The following PPP1R16B variants were observed in gnomAD, a reference collection of about 807,000 sequenced individuals.
The protein encoded by PPP1R16B is protein phosphatase 1 regulatory subunit 16B, also known as protein phosphatase 1 regulatory inhibitor subunit 16B.
In PPP1R16B, 14 loss-of-function variants were observed where a neutral mutation model predicts 61.7. The observed-to-expected ratio is 0.23, with a 90% confidence interval of 0.15 to 0.35. The LOEUF (loss-of-function observed/expected upper bound fraction) is 0.35, where lower values mean the gene tolerates loss of function less well. Ranked by LOEUF, PPP1R16B falls within the 10% of genes least tolerant of loss-of-function variation. The pLI, the probability that PPP1R16B is intolerant of heterozygous loss-of-function variation, is 1.00. For synonymous variants in PPP1R16B, 266 were observed against 305.3 expected (o/e 0.87, Z 1.34); for missense variants, 547 against 752.5 (o/e 0.73, Z 3.19).
rs2084663724 is a variant in PPP1R16B, at chr20:38,806,654, G to C, written c.-102+862G>C. 1.3e-5 allele frequency among the ~76,000 whole-genome samples: 2 copies of C among 152,180 alleles called. No homozygotes were observed. The highest frequency in any genetic ancestry group is 1.3e-4 in the Admixed American group (2 of 15,286). On this transcript the variant is annotated intron_variant, in intron 1 of 10. Transcript: ENST00000299824. The surrounding 1 kb of genome is among the most constrained non-coding windows in gnomAD (Gnocchi z 4.5). ...CTGCCCAGACCGCCCCGGGTGGAGA[G>C]CCGGGAGGCAGGCGCTCGCTGCCCT...
chr20:38,911,598 G>T (rs755983452), intron 10 of PPP1R16B, among the ~76,000 whole-genome samples: 8 of 149,828 alleles, frequency 5.3e-5, no homozygotes, highest in Admixed American at 1.3e-4. Flanking sequence ...GTGCAGTGGC[G>T]TGCTCTTGGC....
In PPP1R16B at chr20:38,821,093, C is replaced by T. The variant is rs1273170049; in HGVS notation, c.-101-14732C>T. Reference sequence around the variant, plus strand: ...TTCTGATAGATTTGTAGTGGTCTTTCTCTGTGATCGTCCTGTATATTCCCA... The same window carrying T: ...TTCTGATAGATTTGTAGTGGTCTTTTTCTGTGATCGTCCTGTATATTCCCA... On this transcript the variant is annotated intron_variant, in intron 1 of 10. Transcript: ENST00000299824. Among the ~76,000 whole-genome samples, 20 of 151,454 alleles carry T rather than the reference C, an allele frequency of 1.3e-4. No individual in the cohort carries two copies. The East Asian group carries it at 3.5e-3, about 26-fold the overall frequency.
At chr20:38,892,233 G>T (rs1262483581) in intron 3 of PPP1R16B, among the ~76,000 whole-genome samples, 1 of 152,044 alleles carries the variant, frequency 6.6e-6, no homozygotes, top group African/African-American at 2.4e-5. Context: ...CCTTTTTTTA[G>T]CTTGGGGTTC....
At chr20:38,885,978 G>T (rs1264658047) in intron 2 of PPP1R16B, among the ~76,000 whole-genome samples, 1 of 152,204 alleles carries the variant, frequency 6.6e-6, no homozygotes, top group Non-Finnish European at 1.5e-5. Context: ...GTTTCGCCAT[G>T]TTGGCCAGGC....
Position 38,905,984 on chromosome 20 carries a change from G to T in PPP1R16B, c.712G>T (p.Ala238Ser). The change falls in exon 7 of 11, where the codon GCC (alanine) becomes TCC (serine). Residue 238 changes from alanine (A) to serine (S), a missense_variant. Physicochemically the swap from Ala to Ser is moderately conservative, Grantham distance 99. Transcript: ENST00000299824. ...TCTCCTCCAGCTGCACATAGCTGGA[G>T]CCAATGGATACCTGCGGGCAGCTGA... ...QGATLLHIAG[A>S]NGYLRAAELL... 4 of 1,613,370 alleles carry T rather than the reference G, an allele frequency of 2.5e-6. No homozygotes were observed. The highest frequency in any genetic ancestry group is 3.4e-6 in the Non-Finnish European group (4 of 1,179,750).
chr20:38,877,443 G>C (rs1350018750), intron 2 of PPP1R16B, among the ~76,000 whole-genome samples: 1 of 151,862 alleles, frequency 6.6e-6, no homozygotes, highest in Non-Finnish European at 1.5e-5. Context: ...TGAGTAGCTG[G>C]GATTACAGGC....
intron 1 of PPP1R16B, among the ~76,000 whole-genome samples, chr20:38,809,300 C>G (rs1333466402): frequency 6.6e-6 from 1 of 152,046 alleles, no homozygotes; most frequent in Non-Finnish European, 1.5e-5. Context: ...AGCTTTTCCC[C>G]GGGGAGTCTG....
intron 2 of PPP1R16B, among the ~76,000 whole-genome samples, chr20:38,885,967 G>C (rs956685781): frequency 1.3e-5 from 2 of 152,122 alleles, no homozygotes; most frequent in Non-Finnish European, 2.9e-5. Flanking sequence ...GTAGAGACAG[G>C]GTTTCGCCAT....
intron 2 of PPP1R16B, among the ~76,000 whole-genome samples, chr20:38,875,609 G>A (rs939087960): frequency 6.6e-6 from 1 of 152,222 alleles, no homozygotes; most frequent in East Asian, 1.9e-4. Context: ...ACCCCCCAGC[G>A]AAGCAAACAG....
rs1395436753 is a variant in PPP1R16B, at chr20:38,896,080, CT to C, written c.467+371del. Among the ~76,000 whole-genome samples, 8 of 125,370 alleles carry C rather than the reference CT, an allele frequency of 6.4e-5. No individual in the cohort carries two copies. In the East Asian group the frequency reaches 1.2e-3, roughly 18 times the overall value. The allele number at this position is 125,370 out of a possible 152,430, so 82.2% of individuals were successfully genotyped here. On this transcript the variant is annotated intron_variant, in intron 4 of 10. Transcript: ENST00000299824. The stretch of plus-strand genomic sequence containing the variant: ...CTCCCTTCCTTTCTTCCCTCCCTTC[CT>C]CCCTTTCTGCCTTTCTTCTGTCTCC...
intron 2 of PPP1R16B, among the ~76,000 whole-genome samples, chr20:38,877,105 G>C (rs1601282143): frequency 6.6e-6 from 1 of 152,084 alleles, no homozygotes; most frequent in Non-Finnish European, 1.5e-5. Flanking sequence ...CCATTATATG[G>C]ATGTTTCATA....
intron 6 of PPP1R16B, 93 bp downstream of exon 6, chr20:38,902,885 T>A: frequency 1.3e-6 from 2 of 1,564,188 alleles, no homozygotes; most frequent in Non-Finnish European, 1.7e-6. Context: ...TTGGGGCCTG[T>A]CTGTGACCTT....
chr20:38,911,051 G>T (rs1415474218), intron 10 of PPP1R16B, among the ~76,000 whole-genome samples: 1 of 152,036 alleles, frequency 6.6e-6, no homozygotes, highest in Non-Finnish European at 1.5e-5. Flanking sequence ...TTGCTATGTT[G>T]CCCAGGCTGG....
chr20:38,918,347 T>G lies in PPP1R16B; in HGVS notation c.1385T>G (p.Val462Gly), dbSNP rs758398848. ...AGCATGGCCTATGGCAACCCTGGCG[T>G]GGCCGACGCCACCCCGCCCTGGAGC... ...DYSMAYGNPG[V>G]ADATPPWSSY... Residue 462 changes from valine (V) to glycine (G), a missense_variant, in exon 11 of 11, where the codon GTG becomes GGG. Coordinates refer to ENST00000299824, the MANE Select transcript of PPP1R16B (RefSeq NM_015568.4). This position sits in a 1 kb window ranked among gnomAD's most constrained non-coding sequence, Gnocchi z 5.3. The G allele has an allele frequency of 9.9e-6, 16 of 1,614,148 alleles. No individual in the cohort carries two copies. The highest frequency in any genetic ancestry group is 1.6e-4 in the Middle Eastern group (1 of 6,062).
chr20:38,882,536 A>C (rs2085210422), intron 2 of PPP1R16B, among the ~76,000 whole-genome samples: 1 of 152,124 alleles, frequency 6.6e-6, no homozygotes, highest in South Asian at 2.1e-4. Flanking sequence ...GTGAGCCACT[A>C]CATCTGGCCT....
intron 6 of PPP1R16B, 105 bp from the exon 7 acceptor site, chr20:38,905,864 A>T: frequency 8.5e-7 from 1 of 1,174,636 alleles, no homozygotes; most frequent in Non-Finnish European, 1.2e-6. Context: ...ATTCCATTCT[A>T]CTGGCCCCAA....
intron 4 of PPP1R16B, among the ~76,000 whole-genome samples, chr20:38,898,034 T>C (rs994163958): frequency 6.6e-6 from 1 of 152,254 alleles, no homozygotes; most frequent in Admixed American, 6.5e-5. Flanking sequence ...TCTCCCATTC[T>C]ATAGGATGTC....
chr20:38,840,600 C>T (rs1210845990), intron 2 of PPP1R16B, among the ~76,000 whole-genome samples: 1 of 152,224 alleles, frequency 6.6e-6, no homozygotes, highest in Non-Finnish European at 1.5e-5. Context: ...CTGTAACCCT[C>T]AGCTTTGAGT....
rs139891469 is a variant in PPP1R16B, at chr20:38,832,302, C to T, written c.-101-3523C>T. Among the ~76,000 whole-genome samples the T allele has an allele frequency of 2.8e-3, 430 of 152,228 alleles. 2 individuals are homozygous for T. The highest frequency in any genetic ancestry group is 9.7e-3 in the African/African-American group (404 of 41,528). On this transcript the variant is annotated intron_variant, in intron 1 of 10. Transcript: ENST00000299824. ...TGACAGACAGAAGGCAGAGGTGGTC[C>T]GCATCCGTCTCTGAATCAGGGCTCG...
Sources: gnomAD v4.1 joint callset for allele counts (sites outside exome capture counted in the v4.1 genomes callset) on GRCh38, gnomAD v4.1.1 for gene constraint, Gnocchi (gnomAD v3.1) non-coding constraint, MANE v1.5 for transcripts, NCBI Gene and HGNC (gene_info 2026-07-23, HGNC 2026-07-21) for gene names.